The following MAP3K2 variants were observed in gnomAD, a reference collection of about 807,000 sequenced individuals.
The protein encoded by MAP3K2 is mitogen-activated protein kinase kinase kinase 2, also known as MAP/ERK kinase kinase 2.
Under a neutral mutation model 80.3 loss-of-function variants are expected in MAP3K2, and 24 were observed. The ratio of observed to expected loss-of-function variants is 0.30; its 90% CI spans 0.22 to 0.42. The LOEUF is 0.42. Ranked by LOEUF, MAP3K2 falls within the 10% of genes least tolerant of loss-of-function variation. The pLI is 1.00. For synonymous variants in MAP3K2, 244 were observed against 253.7 expected (o/e 0.96, Z 0.36); for missense variants, 608 against 750.1 (o/e 0.81, Z 2.21).
chr2:127,364,090 CAT>C lies in MAP3K2; in HGVS notation c.-65-20898_-65-20897del, dbSNP rs918357255. On this transcript the variant is annotated intron_variant, in intron 1 of 16. Coordinates refer to ENST00000682094, the MANE Select transcript of MAP3K2 (RefSeq NM_001371910.2). The surrounding 1 kb of genome is among the most constrained non-coding windows in gnomAD (Gnocchi z 4.1). ...TACAACCATAACATAATATAGCACA[CAT>C]ATGTTTCAGTCAATCTAACCTATCT... Among the ~76,000 whole-genome samples the C allele has an allele frequency of 1.9e-4, 29 of 152,288 alleles. No individual in the cohort carries two copies. The Middle Eastern group carries it at 0.017, about 89-fold the overall frequency.
intron 1 of MAP3K2, among the ~76,000 whole-genome samples, chr2:127,370,696 G>A (rs1687046960): frequency 6.6e-6 from 1 of 152,156 alleles, no homozygotes; most frequent in African/African-American, 2.4e-5. Flanking sequence ...GAACAAGTGG[G>A]GAGAAATCTT....
intron 5 of MAP3K2, among the ~76,000 whole-genome samples, chr2:127,334,312 CTT>C (rs1407690597): frequency 6.6e-6 from 1 of 151,980 alleles, no homozygotes; most frequent in Non-Finnish European, 1.5e-5. Context: ...ATATTGTAGT[CTT>C]AATGTATCTT....
At chr2:127,338,836 G>A (rs1381100655) in intron 3 of MAP3K2, 96 bp downstream of exon 3, 18 of 798,410 alleles carry the variant, frequency 2.3e-5, no homozygotes, top group South Asian at 1.4e-4. Flanking sequence ...TTCTTGATTC[G>A]AAAGTGTAAA....
At chr2:127,343,274 A>G in intron 1 of MAP3K2, 80 bp from the exon 2 acceptor site, 1 of 607,052 alleles carries the variant, frequency 1.6e-6, no homozygotes, top group Non-Finnish European at 2.9e-6. Context: ...AAGTCAGTTT[A>G]AATAATACTA....
chr2:127,387,806 G>A lies in MAP3K2; in HGVS notation c.-420C>T. On this transcript the variant is annotated 5_prime_UTR_variant, in exon 1 of 17. Coordinates refer to ENST00000682094, the MANE Select transcript of MAP3K2 (RefSeq NM_001371910.2). ...CGCGTCGCTAGAGACCGGAGAAGAG[G>A]CGGGAGTGGCGACTCTGCGGACAGG... 2 of 985,258 alleles carry A rather than the reference G, an allele frequency of 2.0e-6. No individual in the cohort carries two copies. Among genetic ancestry groups the A allele is most frequent in the South Asian group, 4.7e-5 (1 of 21,286 alleles). 61.0% of individuals were successfully genotyped at this position (985,258 alleles called of 1,614,324 possible).
At chr2:127,335,804 A>G in intron 5 of MAP3K2, 66 bp downstream of exon 5, 1 of 782,466 alleles carries the variant, frequency 1.3e-6, no homozygotes, top group Non-Finnish European at 2.1e-6. Context: ...TCTTAAAAGC[A>G]GTCTCTTAAA....
intron 5 of MAP3K2, among the ~76,000 whole-genome samples, chr2:127,332,821 T>A (rs895340028): frequency 6.6e-6 from 1 of 152,156 alleles, no homozygotes; most frequent in Non-Finnish European, 1.5e-5. Context: ...TAGTGAAGTA[T>A]GAAGACAGCC....
At chr2:127,319,235 G>GAAAAAA (rs11305589) in intron 12 of MAP3K2, among the ~76,000 whole-genome samples, 4 of 120,880 alleles carry the variant, frequency 3.3e-5, no homozygotes, top group Admixed American at 8.4e-5. Flanking sequence ...GAATGCAAAA[G>GAAAAAA]AAAAAAAAAA....
At chr2:127,316,381 CAAAT>C (rs1376656595) in intron 14 of MAP3K2, among the ~76,000 whole-genome samples, 5 of 152,234 alleles carry the variant, frequency 3.3e-5, no homozygotes, top group Admixed American at 1.3e-4. Context: ...CAAAATTAAA[CAAAT>C]AAAAATTATG....
At chr2:127,354,697 A>G (rs1414525151) in intron 1 of MAP3K2, among the ~76,000 whole-genome samples, 2 of 152,110 alleles carry the variant, frequency 1.3e-5, no homozygotes, top group Non-Finnish European at 2.9e-5. Context: ...ACAAGGTAGA[A>G]TTCATAATAT....
In MAP3K2 at chr2:127,332,651, T is replaced by C. The variant is rs571700010; in HGVS notation, c.265-2146A>G. Among the ~76,000 whole-genome samples, 73 of 152,374 alleles carry C rather than the reference T, an allele frequency of 4.8e-4. 1 individual carries two copies. The highest frequency in any genetic ancestry group is 1.6e-3 in the African/African-American group (68 of 41,590). The stretch of plus-strand genomic sequence containing the variant: ...TGTTTTCTGGCTTGGTGAATTCATT[T>C]CAGTCTCATTCATGAAATCTATCAC... On this transcript the variant is annotated intron_variant, in intron 5 of 16. Coordinates refer to ENST00000682094, the MANE Select transcript of MAP3K2 (RefSeq NM_001371910.2).
At chr2:127,348,149 A>G (rs1378395585) in intron 1 of MAP3K2, among the ~76,000 whole-genome samples, 1 of 152,146 alleles carries the variant, frequency 6.6e-6, no homozygotes, top group African/African-American at 2.4e-5. Context: ...GCACTTTGGG[A>G]AGCTGAGATA....
At chr2:127,378,981 GTTTTTT>G (rs58961718) in intron 1 of MAP3K2, among the ~76,000 whole-genome samples, 2 of 88,050 alleles carry the variant, frequency 2.3e-5, no homozygotes, top group South Asian at 4.2e-4. Context: ...GTTTTTTGTT[GTTTTTT>G]TTTTTTTTTT....
chr2:127,314,883 C>G lies in MAP3K2; in HGVS notation c.1327G>C (p.Gly443Arg). The G allele has an allele frequency of 3.1e-6, 5 of 1,596,192 alleles. No homozygotes were observed. Among genetic ancestry groups the G allele is most frequent in the Non-Finnish European group, 3.4e-6 (4 of 1,171,710 alleles). Residue 443 changes from glycine (G) to arginine (R), a missense_variant and splice_region_variant, in exon 15 of 17, where the codon GGT becomes CGT. Around this residue, in one of 4 missense-constraint regions of MAP3K2, gnomAD observed 88 missense variants for 132.4 expected, o/e 0.66. Transcript: ENST00000682094. ...GCTTTTAATTGGTCCTTAATTGAAC[C>G]CTAGGAGAAAAGAAAACAAAAATAA... ...LSIFMEYMPG[G>R]SIKDQLKAYG...
intron 1 of MAP3K2, among the ~76,000 whole-genome samples, chr2:127,343,452 T>C (rs1406423995): frequency 6.6e-6 from 1 of 152,152 alleles, no homozygotes; most frequent in Non-Finnish European, 1.5e-5. Flanking sequence ...CAAACCATTA[T>C]CAGTTGGAGG....
Position 127,321,954 on chromosome 2 carries a change from C to CA in MAP3K2, c.1045+91dup. On this transcript the variant is annotated intron_variant, in intron 12 of 16. Transcript: ENST00000682094. The surrounding 1 kb of genome is among the most constrained non-coding windows in gnomAD (Gnocchi z 4.4). ...CTTTTTTGAGTAGTTCATCTGACCC[C>CA]AAAAACTCACTTAGTATTTATTCCT... 2.6e-6 allele frequency: 3 copies of CA among 1,156,164 alleles called. No individual in the cohort carries two copies. Among genetic ancestry groups the CA allele is most frequent in the Non-Finnish European group, 3.8e-6 (3 of 799,616 alleles). 71.6% of individuals were successfully genotyped at this position (1,156,164 alleles called of 1,614,324 possible).
chr2:127,373,058 G>T (rs1687093003), intron 1 of MAP3K2, among the ~76,000 whole-genome samples: 1 of 152,152 alleles, frequency 6.6e-6, no homozygotes, highest in African/African-American at 2.4e-5. Flanking sequence ...AGAAGAATTT[G>T]CATTTACAAT....
intron 1 of MAP3K2, among the ~76,000 whole-genome samples, chr2:127,371,032 T>G (rs567332016): frequency 1.1e-4 from 16 of 152,194 alleles, no homozygotes; most frequent in Non-Finnish European, 8.8e-5. Flanking sequence ...AGAACGACAA[T>G]GCAATCAGGT....
chr2:127,337,607 C>A, intron 4 of MAP3K2, 131 bp downstream of exon 4: 1 of 573,080 alleles, frequency 1.7e-6, no homozygotes, highest in South Asian at 2.3e-5. Context: ...TACACATTCC[C>A]AAGGACTACT....
Sources: gnomAD v4.1 joint callset for allele counts (sites outside exome capture counted in the v4.1 genomes callset) on GRCh38, gnomAD v4.1.1 for gene constraint, gnomAD v4.1.1 regional missense constraint, Gnocchi (gnomAD v3.1) non-coding constraint, MANE v1.5 for transcripts, NCBI Gene and HGNC (gene_info 2026-07-23, HGNC 2026-07-21) for gene names.